SLMAP: variants seen among roughly 807,000 people sequenced by gnomAD.
The protein encoded by SLMAP is sarcolemmal membrane-associated protein.
Under a neutral mutation model 128.8 loss-of-function variants are expected in SLMAP, and 44 were observed. That is an observed-to-expected ratio of 0.34 (90% confidence interval 0.27 to 0.44). The LOEUF is 0.44. Ranked by LOEUF, SLMAP falls within the 20% of genes least tolerant of loss-of-function variation. SLMAP has a pLI of 1.00. For missense variants in SLMAP, 787 were observed against 985.3 expected, an observed-to-expected ratio of 0.80 and a Z score of 2.69; for synonymous variants, 327 against 348.8, an observed-to-expected ratio of 0.94 and a Z score of 0.70.
intron 15 of SLMAP, 108 bp from the exon 16 acceptor site, chr3:57,896,403 A>G: frequency 7.0e-7 from 1 of 1,426,014 alleles, no homozygotes; most frequent in Admixed American, 3.2e-5. Flanking sequence ...CCTATTTTAA[A>G]AGTACTTTGC....
rs1559512144 is a variant in SLMAP, at chr3:57,906,301, TTTTTTTTTC to T, written c.1502-1574_1502-1566del. Among the ~76,000 whole-genome samples, 4 of 95,316 alleles carry T rather than the reference TTTTTTTTTC, an allele frequency of 4.2e-5. 1 individual carries two copies. The highest frequency in any genetic ancestry group is 1.1e-4 in the African/African-American group (3 of 26,824). 62.5% of individuals were successfully genotyped at this position (95,316 alleles called of 152,430 possible). On this transcript the variant is annotated intron_variant, in intron 17 of 24. Coordinates refer to ENST00000671191, the MANE Select transcript of SLMAP (RefSeq NM_001377540.1). ...CTGAACCCAGAATCAAATTTTTTTC[TTTTTTTTTC>T]TTTTTTTTTTTTTTTTTTTTTTAGA...
At chr3:57,846,306 T>A in intron 4 of SLMAP, among the ~76,000 whole-genome samples, 1 of 152,188 alleles carries the variant, frequency 6.6e-6, no homozygotes, top group East Asian at 1.9e-4. Context: ...CTGGTACCAA[T>A]TAATGCCATC....
At chr3:57,873,075 A>T (rs1029007691) in intron 14 of SLMAP, among the ~76,000 whole-genome samples, 11 of 152,232 alleles carry the variant, frequency 7.2e-5, no homozygotes, top group African/African-American at 2.7e-4. Context: ...TCCTTCAAAG[A>T]AACTGAGAAT....
intron 2 of SLMAP, among the ~76,000 whole-genome samples, chr3:57,826,328 G>A (rs2092923887): frequency 1.3e-5 from 2 of 152,018 alleles, no homozygotes; most frequent in South Asian, 2.1e-4. Flanking sequence ...TTCATTATCT[G>A]TAAAGATACT....
intron 17 of SLMAP, among the ~76,000 whole-genome samples, chr3:57,904,257 A>G (rs1241623199): frequency 6.6e-6 from 1 of 152,192 alleles, no homozygotes; most frequent in African/African-American, 2.4e-5. Flanking sequence ...CCCTGTGTCT[A>G]CCAAAAAACT....
intron 14 of SLMAP, among the ~76,000 whole-genome samples, chr3:57,885,805 A>G: frequency 1.4e-5 from 1 of 73,078 alleles, no homozygotes. Context: ...TTTTTTTGAG[A>G]CAGAGTCTTG....
Position 57,913,201 on chromosome 3 carries a change from C to A in SLMAP, c.2064C>A (p.Thr688=). ...GAAAGGAATGGAATGCATTGGAAAC[C>A]GAATGCCATTCTCTAAAAAGGGAAA... ...KLRKEWNALE[T]ECHSLKRENV... Residue 688 remains threonine (T), a synonymous_variant, in exon 21 of 25, where the codon ACC becomes ACA. Coordinates refer to ENST00000671191, the MANE Select transcript of SLMAP (RefSeq NM_001377540.1). 2 of 1,598,442 alleles carry A rather than the reference C, an allele frequency of 1.3e-6. No individual in the cohort carries two copies. The highest frequency in any genetic ancestry group is 8.6e-7 in the Non-Finnish European group (1 of 1,168,854).
chr3:57,914,608 G>A (rs952908234), intron 21 of SLMAP, among the ~76,000 whole-genome samples: 13 of 151,042 alleles, frequency 8.6e-5, no homozygotes, highest in African/African-American at 2.7e-4. Context: ...TTGAGACGGA[G>A]TTTTGCTCTT....
At chr3:57,865,958 T>C (rs2095289394) in intron 13 of SLMAP, among the ~76,000 whole-genome samples, 1 of 152,212 alleles carries the variant, frequency 6.6e-6, no homozygotes, top group South Asian at 2.1e-4. Flanking sequence ...TAACATTAAT[T>C]GAGCACCAAC....
chr3:57,839,976 C>G (rs1160962223), intron 3 of SLMAP, among the ~76,000 whole-genome samples: 11 of 152,242 alleles, frequency 7.2e-5, no homozygotes, highest in African/African-American at 2.7e-4. Context: ...GCGTAAGCCA[C>G]TGTGCCCAGC....
rs148402480 is a variant in SLMAP at position 57,789,189 on chromosome 3, A to G, written c.198+31340A>G. On this transcript the variant is annotated intron_variant, in intron 2 of 24. Transcript: ENST00000671191. ...ATGTTGGTAAGGAAAAAATTATTCAATGACACTTGTTAAAGCATGGTAAGG... is the reference window on the plus strand; with the variant it reads ...ATGTTGGTAAGGAAAAAATTATTCAGTGACACTTGTTAAAGCATGGTAAGG... Among the ~76,000 whole-genome samples the G allele has an allele frequency of 7.9e-5, 12 of 152,342 alleles. No homozygotes were observed. The East Asian group carries it at 9.6e-4, about 12-fold the overall frequency.
intron 2 of SLMAP, among the ~76,000 whole-genome samples, chr3:57,765,913 G>A (rs925192247): frequency 6.6e-6 from 1 of 151,634 alleles, no homozygotes; most frequent in African/African-American, 2.4e-5. Context: ...TATACTTAAA[G>A]CATTTTTTTT....
intron 15 of SLMAP, among the ~76,000 whole-genome samples, chr3:57,894,497 A>G (rs1243151213): frequency 6.6e-6 from 1 of 152,260 alleles, no homozygotes; most frequent in Non-Finnish European, 1.5e-5. Context: ...AGAAGTGGGC[A>G]TGCATGTACA....
At chr3:57,828,079 C>T (rs770067269) in intron 2 of SLMAP, among the ~76,000 whole-genome samples, 2 of 152,156 alleles carry the variant, frequency 1.3e-5, no homozygotes, top group South Asian at 2.1e-4. Context: ...CCCTCACTGC[C>T]GCCGAGTAGC....
At chr3:57,819,552 T>C (rs1057165023) in intron 2 of SLMAP, among the ~76,000 whole-genome samples, 1 of 152,178 alleles carries the variant, frequency 6.6e-6, no homozygotes, top group Non-Finnish European at 1.5e-5. Context: ...GAAATTTTTT[T>C]CTTTTAGTTT....
Position 57,823,380 on chromosome 3 carries a change from C to T in SLMAP, c.199-8003C>T, listed in dbSNP as rs2092679010. Among the ~76,000 whole-genome samples, 3 of 152,196 alleles carry T rather than the reference C, an allele frequency of 2.0e-5. No individual in the cohort carries two copies. The South Asian group carries it at 6.2e-4, about 32-fold the overall frequency. On this transcript the variant is annotated intron_variant, in intron 2 of 24. Transcript: ENST00000671191. ...TGCTATCCCTCCCTCCTCCCACCAC[C>T]CTACAACAGTCCCCGGTGTGTGATG... is the stretch of plus-strand genomic sequence containing the variant.
chr3:57,850,915 A>C (rs746799638), intron 6 of SLMAP, among the ~76,000 whole-genome samples: 29 of 152,334 alleles, frequency 1.9e-4, no homozygotes, highest in Non-Finnish European at 4.0e-4. Context: ...GATTACAGGC[A>C]TGAGCCATGG....
At chr3:57,804,280 C>T (rs1332281476) in intron 2 of SLMAP, among the ~76,000 whole-genome samples, 1 of 152,116 alleles carries the variant, frequency 6.6e-6, no homozygotes, top group Non-Finnish European at 1.5e-5. Flanking sequence ...ATCATCCATG[C>T]TTAAATGCTT....
chr3:57,836,455 C>T (rs1036557962), intron 3 of SLMAP, among the ~76,000 whole-genome samples: 3 of 152,088 alleles, frequency 2.0e-5, no homozygotes, highest in Non-Finnish European at 4.4e-5. Context: ...CATATCGGTT[C>T]ATATTAGTGT....
Sources: gnomAD v4.1 joint callset for allele counts (sites outside exome capture counted in the v4.1 genomes callset) on GRCh38, gnomAD v4.1.1 for gene constraint, MANE v1.5 for transcripts, NCBI Gene and HGNC (gene_info 2026-07-23, HGNC 2026-07-21) for gene names.